The following CCDC126 variants were observed in gnomAD, a reference collection of about 807,000 sequenced individuals.
CCDC126 encodes coiled-coil domain-containing protein 126.
A neutral mutation model predicts 11.7 loss-of-function variants in CCDC126; 5 were observed. That is an observed-to-expected ratio of 0.43 (90% CI 0.22 to 0.90). CCDC126 has a LOEUF of 0.90. Ranked by LOEUF, CCDC126 falls within the 40% of genes least tolerant of loss-of-function variation. The pLI, the probability that CCDC126 is intolerant of heterozygous loss-of-function variation, is 0.27. For synonymous variants in CCDC126, 60 were observed against 61.9 expected, an observed-to-expected ratio of 0.97 and a Z score of 0.14; for missense variants, 150 against 163.1, an observed-to-expected ratio of 0.92 and a Z score of 0.44.
At position 23,600,385 on chromosome 7, in the gene CCDC126, C is replaced by CA. The variant is rs1446164598; in HGVS notation, c.-146+2334_-146+2335insA. ...TGTGTTCTGTGTTAACCCCCCCCCC[C>CA]CCACCACCATATTAGCCTCAGGCAG... is the stretch of plus-strand genomic sequence containing the variant. On this transcript the variant is annotated intron_variant, in intron 2 of 3. Coordinates refer to ENST00000307471, the MANE Select transcript of CCDC126 (RefSeq NM_138771.4). 3.1e-4 allele frequency among the ~76,000 whole-genome samples: 45 copies of CA among 145,684 alleles called. 1 individual carries two copies. Among genetic ancestry groups the CA allele is most frequent in the South Asian group, 1.4e-3 (6 of 4,164 alleles).
intron 3 of CCDC126, among the ~76,000 whole-genome samples, chr7:23,638,606 A>T (rs1182000126): frequency 1.6e-5 from 2 of 126,376 alleles, no homozygotes; most frequent in African/African-American, 6.3e-5. Flanking sequence ...TCTGCCTAGG[A>T]AAACCAGAGA....
chr7:23,641,190 T>A (rs893642690), intron 3 of CCDC126, among the ~76,000 whole-genome samples: 4 of 152,200 alleles, frequency 2.6e-5, no homozygotes, highest in Non-Finnish European at 5.9e-5. Flanking sequence ...ATTTCTTTGA[T>A]GATAGCTATC....
intron 2 of CCDC126, among the ~76,000 whole-genome samples, chr7:23,604,627 T>C (rs1466537229): frequency 1.3e-5 from 2 of 152,164 alleles, no homozygotes; most frequent in Non-Finnish European, 2.9e-5. Flanking sequence ...GTCCCCATTA[T>C]ATAAGTGAGG....
intron 3 of CCDC126, among the ~76,000 whole-genome samples, chr7:23,637,746 G>A (rs1297268442): frequency 1.5e-5 from 1 of 67,340 alleles, no homozygotes; most frequent in Admixed American, 1.4e-4. Context: ...CCCCGTCCGG[G>A]AGGTGAGGGG....
At chr7:23,623,920 T>TC (rs1782970544) in intron 3 of CCDC126, among the ~76,000 whole-genome samples, 1 of 152,176 alleles carries the variant, frequency 6.6e-6, no homozygotes, top group Non-Finnish European at 1.5e-5. Context: ...CCCCTGCACA[T>TC]CCTGCACATA....
intron 3 of CCDC126, among the ~76,000 whole-genome samples, chr7:23,613,965 C>T (rs943492803): frequency 3.3e-5 from 5 of 152,218 alleles, no homozygotes; most frequent in African/African-American, 9.6e-5. Flanking sequence ...GAGCCTTCAG[C>T]AAGTCATAAT....
At chr7:23,635,701 A>G (rs1350899481) in intron 3 of CCDC126, among the ~76,000 whole-genome samples, 5 of 152,206 alleles carry the variant, frequency 3.3e-5, no homozygotes, top group East Asian at 1.9e-4. Context: ...TAAAGTTATC[A>G]TATAGTTGTT....
chr7:23,601,803 C>G (rs1381591758), intron 2 of CCDC126: 1 of 152,136 alleles, frequency 6.6e-6, no homozygotes, highest in African/African-American at 2.4e-5. Flanking sequence ...CCTGCCTCAC[C>G]CTCCAGAGTA....
At chr7:23,639,192 C>CTTTTT (rs1245503837) in intron 3 of CCDC126, among the ~76,000 whole-genome samples, 1 of 137,178 alleles carries the variant, frequency 7.3e-6, no homozygotes, top group Non-Finnish European at 1.6e-5. Context: ...TTTTTTATGT[C>CTTTTT]TTTTTTTTTT....
At chr7:23,621,621 A>G (rs1356328401) in intron 3 of CCDC126, among the ~76,000 whole-genome samples, 3 of 152,180 alleles carry the variant, frequency 2.0e-5, no homozygotes, top group Non-Finnish European at 4.4e-5. Context: ...ACTATGTTGA[A>G]TAGGAGTGGT....
chr7:23,634,870 C>T (rs1783179510), intron 3 of CCDC126, among the ~76,000 whole-genome samples: 1 of 152,196 alleles, frequency 6.6e-6, no homozygotes, highest in Non-Finnish European at 1.5e-5. Flanking sequence ...TAAATCACTA[C>T]ATTCTCCCTC....
chr7:23,607,246 A>G (rs1562829273), intron 2 of CCDC126, among the ~76,000 whole-genome samples: 1 of 152,224 alleles, frequency 6.6e-6, no homozygotes, highest in Non-Finnish European at 1.5e-5. Context: ...GTTTTGATGG[A>G]AGAAGTACTC....
At chr7:23,626,303 C>T (rs906469631) in intron 3 of CCDC126, among the ~76,000 whole-genome samples, 2 of 151,996 alleles carry the variant, frequency 1.3e-5, no homozygotes, top group Admixed American at 1.3e-4. Flanking sequence ...AATAGGAGTA[C>T]AAATTATAAT....
intron 3 of CCDC126, among the ~76,000 whole-genome samples, chr7:23,623,278 C>T (rs1304770777): frequency 2.0e-5 from 3 of 151,724 alleles, no homozygotes; most frequent in African/African-American, 4.8e-5. Context: ...CTTTTTGATG[C>T]TGTTTTGGAA....
intron 2 of CCDC126, among the ~76,000 whole-genome samples, chr7:23,606,973 T>C (rs1229788432): frequency 6.6e-6 from 1 of 151,530 alleles, no homozygotes; most frequent in African/African-American, 2.4e-5. Flanking sequence ...TGGTGTGCAC[T>C]TGTAGTTCCA....
intron 3 of CCDC126, among the ~76,000 whole-genome samples, chr7:23,626,606 G>T (rs1268580164): frequency 6.6e-6 from 1 of 152,014 alleles, no homozygotes; most frequent in Non-Finnish European, 1.5e-5. Context: ...ATATCATCCA[G>T]GTACTGAGCT....
intron 3 of CCDC126, among the ~76,000 whole-genome samples, chr7:23,634,832 A>T (rs546149654): frequency 3.3e-5 from 5 of 152,108 alleles, no homozygotes. Context: ...CTGTTTTTCC[A>T]CGAGGTGACC....
chr7:23,612,474 CAAAAAAAAAAAA>C (rs70954395), intron 3 of CCDC126, among the ~76,000 whole-genome samples: 2 of 56,214 alleles, frequency 3.6e-5, no homozygotes, highest in Admixed American at 6.8e-4. Flanking sequence ...GACTCCATCT[CAAAAAAAAAAAA>C]AAAAAAAAAA....
chr7:23,622,662 G>A (rs1161534421), intron 3 of CCDC126: 6 of 534,148 alleles, frequency 1.1e-5, no homozygotes, highest in Admixed American at 1.9e-5. Flanking sequence ...ACACACAAAG[G>A]AACCTATGCA....
Sources: allele counts gnomAD v4.1 joint callset (sites outside exome capture counted in the v4.1 genomes callset), GRCh38; gene constraint gnomAD v4.1.1; transcripts MANE v1.5; gene names NCBI Gene and HGNC (gene_info 2026-07-23, HGNC 2026-07-21).